NCOA1: variants seen among roughly 807,000 people sequenced by gnomAD.
NCOA1 encodes the protein Hin-2 protein.
A neutral mutation model predicts 150.9 loss-of-function variants in NCOA1; 35 were observed. The observed-to-expected ratio is 0.23, with a 90% confidence interval of 0.18 to 0.31. The LOEUF is 0.31. Among genes scored for constraint, NCOA1 ranks in the 10% least tolerant of loss-of-function variants. The probability of loss-of-function intolerance (pLI) is 1.00; values close to 1 mark genes in which losing one functional copy is unlikely to be tolerated. For synonymous variants in NCOA1, 590 were observed against 630.0 expected, an observed-to-expected ratio of 0.94 and a Z score of 0.95; for missense variants, 1,491 against 1,749.3, an observed-to-expected ratio of 0.85 and a Z score of 2.63.
At position 24,769,589 on chromosome 2, in the gene NCOA1, G is replaced by A. The variant is rs1196730900; in HGVS notation, c.*1198G>A. ...TACAGAGAAAAAATTAATACTCAAA[G>A]GAAATCTTCATTTTTTAGATTGACT... On this transcript the variant is annotated 3_prime_UTR_variant, in exon 23 of 23. Coordinates refer to ENST00000348332, the MANE Select transcript of NCOA1 (RefSeq NM_003743.5). The A allele has an allele frequency of 4.9e-6, 1 of 203,468 alleles. No homozygotes were observed. The highest frequency in any genetic ancestry group is 1.0e-5 in the Non-Finnish European group (1 of 99,002). The allele number at this position is 203,468 out of a possible 1,614,324, so 12.6% of individuals were successfully genotyped here.
chr2:24,618,185 T>C (rs1337531570), intron 3 of NCOA1, among the ~76,000 whole-genome samples: 1 of 152,228 alleles, frequency 6.6e-6, no homozygotes, highest in African/African-American at 2.4e-5. Flanking sequence ...GCAGACAATT[T>C]GGCCTCCCTT....
intron 1 of NCOA1, among the ~76,000 whole-genome samples, chr2:24,534,991 AC>A (rs539441898): frequency 4.6e-4 from 70 of 152,182 alleles, no homozygotes; most frequent in South Asian, 2.5e-3. Context: ...TGCGTTCAAG[AC>A]CTGGATATCC....
intron 3 of NCOA1, among the ~76,000 whole-genome samples, chr2:24,603,862 G>A (rs1469730268): frequency 1.3e-5 from 2 of 152,198 alleles, no homozygotes; most frequent in African/African-American, 4.8e-5. Context: ...GTATGATGAA[G>A]CCTTTCTAGA....
At chr2:24,648,143 T>TC (rs1670557799) in intron 4 of NCOA1, among the ~76,000 whole-genome samples, 1 of 152,206 alleles carries the variant, frequency 6.6e-6, no homozygotes, top group Admixed American at 6.5e-5. Context: ...ATTTTTTTTT[T>TC]CATTTTTCAG....
At chr2:24,673,040 C>G (rs911405663) in intron 6 of NCOA1, among the ~76,000 whole-genome samples, 4 of 152,142 alleles carry the variant, frequency 2.6e-5, no homozygotes, top group Admixed American at 1.3e-4. Flanking sequence ...TACAACTTAC[C>G]CATTTCTCAA....
At chr2:24,569,094 TCA>T (rs1666630145) in intron 2 of NCOA1, among the ~76,000 whole-genome samples, 3 of 152,176 alleles carry the variant, frequency 2.0e-5, no homozygotes, top group African/African-American at 7.2e-5. Context: ...CCCACTTTTT[TCA>T]GAGAGGAGAA....
intron 17 of NCOA1, among the ~76,000 whole-genome samples, chr2:24,733,616 T>C: frequency 6.6e-6 from 1 of 152,088 alleles, no homozygotes; most frequent in Non-Finnish European, 1.5e-5. Flanking sequence ...TGGTGGTGCA[T>C]GCCTGTAATC....
chr2:24,726,547 T>A, intron 14 of NCOA1, 42 bp from the exon 15 acceptor site: 1 of 1,227,628 alleles, frequency 8.1e-7, no homozygotes, highest in East Asian at 2.4e-5. Flanking sequence ...CATTTTATCC[T>A]CCACTGAGAT....
rs563602942 is a variant in NCOA1 at position 24,680,135 on chromosome 2, G to C, written c.355-2816G>C. Among the ~76,000 whole-genome samples, 13 of 152,264 alleles carry C rather than the reference G, an allele frequency of 8.5e-5. No individual in the cohort carries two copies. The South Asian group carries it at 1.7e-3, about 19-fold the overall frequency. ...AACATGGGAGTGCAGACATCTCTTT[G>C]ACATACTGATTTCATTTCCTTTGGA... is the stretch of plus-strand genomic sequence containing the variant. On this transcript the variant is annotated intron_variant, in intron 7 of 22. Coordinates refer to ENST00000348332, the MANE Select transcript of NCOA1 (RefSeq NM_003743.5).
chr2:24,758,212 A>G, intron 21 of NCOA1, 56 bp downstream of exon 21: 1 of 1,470,952 alleles, frequency 6.8e-7, no homozygotes, highest in Non-Finnish European at 9.1e-7. Context: ...AATTCTGAGG[A>G]AAATCAGGTA....
Position 24,707,044 on chromosome 2 carries a change from C to T in NCOA1, c.1574C>T (p.Ala525Val). 1 of 1,614,174 alleles carries T rather than the reference C, an allele frequency of 6.2e-7. No homozygotes were observed. Among genetic ancestry groups the T allele is most frequent in the Non-Finnish European group, 8.5e-7 (1 of 1,180,036 alleles). The change falls in exon 13 of 23, where the codon GCC becomes GTC. Residue 525 changes from alanine to valine, a missense_variant. Physicochemically the swap from Ala to Val is moderately conservative, Grantham distance 64. Coordinates refer to ENST00000348332, the MANE Select transcript of NCOA1 (RefSeq NM_003743.5). ...TCTCCCGTTGGCATGACAAGTAGTG[C>T]CTGTAATAATAATAACCGATCTTAT... ...LSSPVGMTSS[A>V]CNNNNRSYSN...
intron 1 of NCOA1, among the ~76,000 whole-genome samples, chr2:24,536,264 C>T (rs1158029788): frequency 3.3e-5 from 5 of 152,120 alleles, no homozygotes; most frequent in African/African-American, 9.7e-5. Context: ...CTTCTGCATG[C>T]GTCACAAAGT....
chr2:24,705,006 A>G, intron 11 of NCOA1, 80 bp from the exon 12 acceptor site: 1 of 1,462,308 alleles, frequency 6.8e-7, no homozygotes. Context: ...TGAGGTTCTA[A>G]GTAGAAATAA....
intron 3 of NCOA1, among the ~76,000 whole-genome samples, chr2:24,591,573 T>A (rs1667659224): frequency 6.6e-6 from 1 of 152,104 alleles, no homozygotes; most frequent in African/African-American, 2.4e-5. Context: ...GTTCTTTAGT[T>A]TTTGGTGGGG....
chr2:24,665,645 G>C, intron 5 of NCOA1, 104 bp from the exon 6 acceptor site: 1 of 947,190 alleles, frequency 1.1e-6, no homozygotes, highest in Middle Eastern at 2.6e-4. Flanking sequence ...TTATATTTTC[G>C]ATAAAAATAA....
At chr2:24,600,241 C>G (rs536305687) in intron 3 of NCOA1, among the ~76,000 whole-genome samples, 1 of 152,008 alleles carries the variant, frequency 6.6e-6, no homozygotes, top group Non-Finnish European at 1.5e-5. Context: ...CTGGCTCTGT[C>G]GCCCAGGCTG....
intron 5 of NCOA1, among the ~76,000 whole-genome samples, chr2:24,665,406 A>T (rs1050031973): frequency 2.6e-5 from 4 of 152,230 alleles, no homozygotes; most frequent in African/African-American, 7.2e-5. Context: ...GAAGTTATTC[A>T]TAATATAAAG....
chr2:24,498,693 A>G (rs1431338220), intron 1 of NCOA1, among the ~76,000 whole-genome samples: 1 of 152,204 alleles, frequency 6.6e-6, no homozygotes, highest in Non-Finnish European at 1.5e-5. Context: ...AGAGGGAAGC[A>G]TATCGTCTAG....
chr2:24,552,954 C>T (rs556452756), intron 1 of NCOA1, among the ~76,000 whole-genome samples: 12 of 152,058 alleles, frequency 7.9e-5, no homozygotes, highest in South Asian at 2.1e-4. Flanking sequence ...TTTTGTTTCC[C>T]CTTTTAAAAT....
Sources: allele counts gnomAD v4.1 joint callset (sites outside exome capture counted in the v4.1 genomes callset), GRCh38; gene constraint gnomAD v4.1.1; transcripts MANE v1.5; gene names NCBI Gene and HGNC (gene_info 2026-07-23, HGNC 2026-07-21).